The following MED25 variants were observed in gnomAD, a reference collection of about 807,000 sequenced individuals.
The protein encoded by MED25 is mediator of RNA polymerase II transcription subunit 25.
MED25 carries 62 observed loss-of-function variants against 89.4 expected under a neutral mutation model. The observed-to-expected ratio is 0.69, with a 90% CI of 0.57 to 0.86. MED25 has a LOEUF of 0.86. Ranked by LOEUF, MED25 falls within the 40% of genes least tolerant of loss-of-function variation. The probability of loss-of-function intolerance (pLI) is 0.00; values close to 1 mark genes in which losing one functional copy is unlikely to be tolerated. For missense variants in MED25, 905 were observed against 1,005.2 expected (o/e 0.90, Z 1.35); for synonymous variants, 449 against 427.9 (o/e 1.05, Z -0.61).
rs539510250 is a variant in MED25, at chr19:49,824,020, C to T, written c.306-4429C>T. On this transcript the variant is annotated intron_variant, in intron 3 of 17. Coordinates refer to ENST00000312865, the MANE Select transcript of MED25 (RefSeq NM_030973.4). Reference sequence around the variant, plus strand: ...AGACCACTGGGAGAGACCGGTAAGACAGTCTTGAGTGATGTTAAATGGAGA... The same window carrying T: ...AGACCACTGGGAGAGACCGGTAAGATAGTCTTGAGTGATGTTAAATGGAGA... Among the ~76,000 whole-genome samples, 6 of 152,238 alleles carry T rather than the reference C, an allele frequency of 3.9e-5. No individual in the cohort carries two copies. In the South Asian group the frequency reaches 8.3e-4, roughly 21 times the overall value.
In MED25 at chr19:49,832,040, CG is replaced by C. The variant is rs1252726853; in HGVS notation, c.1316+23del. ...AGAACCTGTAGGTGACAGTCAGGGG[CG>C]GGGTGTGGTGGGGCTGGGGCTGGCC... On this transcript the variant is annotated intron_variant, in intron 11 of 17. Transcript: ENST00000312865. 2.6e-6 allele frequency: 3 copies of C among 1,159,750 alleles called. No individual in the cohort carries two copies. Among genetic ancestry groups the C allele is most frequent in the African/African-American group, 3.1e-5 (2 of 64,946 alleles). The allele number at this position is 1,159,750 out of a possible 1,614,324, so 71.8% of individuals were successfully genotyped here.
rs751694953 is a variant in MED25, at chr19:49,836,381, A to G, written c.2121A>G (p.Gln707=). 21 of 1,603,384 alleles carry G rather than the reference A, an allele frequency of 1.3e-5. 1 individual carries two copies. In the South Asian group the frequency reaches 1.4e-4, roughly 11 times the overall value. ...CACCTGCCCAGTCCTGGCCCGCACA[A>G]CTTCCCCCTCGGGCTCCACTGCCAG... ...HPPPAQSWPA[Q]LPPRAPLPGQ... is the part of the protein sequence containing the mutation. Residue 707 remains glutamine (Q), a synonymous_variant, in exon 17 of 18, where the codon CAA becomes CAG. Transcript: ENST00000312865. This position sits in a 1 kb window ranked among gnomAD's most constrained non-coding sequence, Gnocchi z 5.1.
chr19:49,829,861 C>A lies in MED25; in HGVS notation c.601C>A (p.Pro201Thr), dbSNP rs149611039. ...GCTTCTGTTTGAGAAGGCAGCCCCCCCGGCCTTGCTGGAGCCGCTGCAGCC... is the reference window on the plus strand; with the variant it reads ...GCTTCTGTTTGAGAAGGCAGCCCCCACGGCCTTGCTGGAGCCGCTGCAGCC... ...LRLLFEKAAP[P>T]ALLEPLQPPT... The change falls in exon 6 of 18, where the codon CCG becomes ACG. Residue 201 changes from proline (P) to threonine (T), a missense_variant. Pro to Thr is a conservative substitution (Grantham distance 38, BLOSUM62 -1). This residue lies in a region of MED25 where 501 missense variants were observed against 526.9 expected (regional missense o/e 0.95). Transcript: ENST00000312865. This position sits in a 1 kb window ranked among gnomAD's most constrained non-coding sequence, Gnocchi z 4.6. The A allele has an allele frequency of 6.2e-7, 1 of 1,612,894 alleles. No individual in the cohort carries two copies. The highest frequency in any genetic ancestry group is 1.3e-5 in the African/African-American group (1 of 75,034).
At chr19:49,825,452 G>A (rs1376813581) in intron 3 of MED25, among the ~76,000 whole-genome samples, 1 of 151,882 alleles carries the variant, frequency 6.6e-6, no homozygotes, top group Non-Finnish European at 1.5e-5. Flanking sequence ...TTTCACTTTG[G>A]CCAGGTTGGT....
chr19:49,821,374 T>G (rs2073980553), intron 3 of MED25, among the ~76,000 whole-genome samples: 1 of 152,200 alleles, frequency 6.6e-6, no homozygotes, highest in Admixed American at 6.5e-5. Flanking sequence ...CTCGACCTCC[T>G]GGGCTCAAGC....
intron 3 of MED25, among the ~76,000 whole-genome samples, chr19:49,826,427 A>G (rs1290650): frequency 0.64 from 96,713 of 152,142 alleles, 31,240 homozygotes; most frequent in East Asian, 0.78. Flanking sequence ...CCCTGAGAGC[A>G]GGAAGAAGGC....
chr19:49,837,038 C>T, downstream of MED25: 1 of 1,004,620 alleles, frequency 1.0e-6, no homozygotes, highest in Non-Finnish European at 1.5e-6. Context: ...CCCCAGGGGG[C>T]ATCTCTGTCC....
At chr19:49,822,203 C>T (rs1354810386) in intron 3 of MED25, among the ~76,000 whole-genome samples, 1 of 142,300 alleles carries the variant, frequency 7.0e-6, no homozygotes, top group Non-Finnish European at 1.5e-5. Context: ...GCGGAGTTTG[C>T]AGTGAGCCAA....
In MED25 at chr19:49,835,695, A is replaced by G. The variant is rs745944033; in HGVS notation, c.1747-32A>G. The G allele has an allele frequency of 4.4e-6, 7 of 1,600,196 alleles. No homozygotes were observed. Among genetic ancestry groups the G allele is most frequent in the African/African-American group, 4.0e-5 (3 of 74,544 alleles). On this transcript the variant is annotated intron_variant, in intron 15 of 17. Coordinates refer to ENST00000312865, the MANE Select transcript of MED25 (RefSeq NM_030973.4). This position sits in a 1 kb window ranked among gnomAD's most constrained non-coding sequence, Gnocchi z 6.2. ...GCAGAAGGGGCGTGAGGCCCTGCCC[A>G]TCTCCCTCACCCCTGTGTCTCTTCC...
chr19:49,827,306 C>G (rs117020672), intron 3 of MED25, among the ~76,000 whole-genome samples: 2,070 of 152,268 alleles, frequency 0.014, 53 homozygotes, highest in South Asian at 0.11. Context: ...GGAGGAGAAA[C>G]GAGAGTCTGT....
At chr19:49,824,066 A>C (rs1257091885) in intron 3 of MED25, among the ~76,000 whole-genome samples, 1 of 152,128 alleles carries the variant, frequency 6.6e-6, no homozygotes, top group African/African-American at 2.4e-5. Context: ...CCCAGGTCCA[A>C]GTCTGATGCT....
In MED25 at chr19:49,830,296, T is replaced by C; in HGVS notation, c.819+78T>C. On this transcript the variant is annotated intron_variant, in intron 7 of 17. Coordinates refer to ENST00000312865, the MANE Select transcript of MED25 (RefSeq NM_030973.4). The surrounding 1 kb of genome is among the most constrained non-coding windows in gnomAD (Gnocchi z 4.6). ...GCCCCTGGGGAGAAATCTAGTTGCA[T>C]GTTGGAGCTTGTGGGATGATGGGAG... 6.9e-7 allele frequency: 1 copy of C among 1,442,900 alleles called. No individual in the cohort carries two copies. The highest frequency in any genetic ancestry group is 2.4e-5 in the East Asian group (1 of 42,088). 89.4% of individuals were successfully genotyped at this position (1,442,900 alleles called of 1,614,324 possible). A position where few individuals can be genotyped will look rare whatever the true frequency, so the allele number is the denominator to read the frequency against.
rs1038324519 is a variant in MED25, at chr19:49,829,728, C to T, written c.526-58C>T. On this transcript the variant is annotated intron_variant, in intron 5 of 17. Coordinates refer to ENST00000312865, the MANE Select transcript of MED25 (RefSeq NM_030973.4). This position sits in a 1 kb window ranked among gnomAD's most constrained non-coding sequence, Gnocchi z 4.6. The stretch of plus-strand genomic sequence containing the variant: ...ACAGCAGTTGTGGTAGGTTGGGGGC[C>T]GGCCCCAACACCCTTATGGAGGGGG... 2.0e-6 allele frequency: 3 copies of T among 1,521,586 alleles called. No individual in the cohort carries two copies. Among genetic ancestry groups the T allele is most frequent in the Admixed American group, 2.0e-5 (1 of 50,838 alleles). The allele number at this position is 1,521,586 out of a possible 1,614,324, so 94.3% of individuals were successfully genotyped here.
Position 49,829,195 on chromosome 19 carries a change from A to G in MED25, c.525+105A>G. The G allele has an allele frequency of 9.8e-7, 1 of 1,021,542 alleles. No individual in the cohort carries two copies. Among genetic ancestry groups the G allele is most frequent in the Non-Finnish European group, 1.5e-6 (1 of 673,506 alleles). The allele number at this position is 1,021,542 out of a possible 1,614,324, so 63.3% of individuals were successfully genotyped here. Reference sequence around the variant, plus strand: ...GACTCCTGGGTCTGAGGGAGGAGGCACTGGGGGCCTGGACTCTTGGGTCTA... The same window carrying G: ...GACTCCTGGGTCTGAGGGAGGAGGCGCTGGGGGCCTGGACTCTTGGGTCTA... On this transcript the variant is annotated intron_variant, in intron 5 of 17. Coordinates refer to ENST00000312865, the MANE Select transcript of MED25 (RefSeq NM_030973.4). This position sits in a 1 kb window ranked among gnomAD's most constrained non-coding sequence, Gnocchi z 4.6.
chr19:49,826,076 C>G (rs1464110848), intron 3 of MED25, among the ~76,000 whole-genome samples: 3 of 152,158 alleles, frequency 2.0e-5, no homozygotes, highest in African/African-American at 4.8e-5. Context: ...CACAGTGGCT[C>G]ACGCCTGTAA....
intron 3 of MED25, among the ~76,000 whole-genome samples, chr19:49,828,243 AC>A (rs1416730884): frequency 5.3e-5 from 8 of 150,898 alleles, no homozygotes; most frequent in Admixed American, 2.7e-4. Flanking sequence ...AAAAAAAAAA[AC>A]ACAGACAGCA....
At chr19:49,839,594 A>C (rs1164704019), downstream of MED25, 1 of 152,250 alleles carries the variant, frequency 6.6e-6, no homozygotes, top group East Asian at 1.9e-4. Context: ...TCCCCTGAGA[A>C]GGTTAGTCAA....
downstream of MED25, chr19:49,838,611 T>C (rs2074115544): frequency 2.2e-6 from 1 of 457,268 alleles, no homozygotes; most frequent in Admixed American, 2.3e-5. Context: ...GAGAGGGCCG[T>C]GTGTTTCGAG....
intron 2 of MED25, 25 bp downstream of exon 2, chr19:49,818,641 G>A: frequency 6.2e-7 from 1 of 1,604,476 alleles, no homozygotes; most frequent in Non-Finnish European, 8.5e-7. Flanking sequence ...TCCTGGGCCT[G>A]AGGGAGGAGG....
Sources: gnomAD v4.1 joint callset for allele counts (sites outside exome capture counted in the v4.1 genomes callset) on GRCh38, gnomAD v4.1.1 for gene constraint, gnomAD v4.1.1 regional missense constraint, Gnocchi (gnomAD v3.1) non-coding constraint, MANE v1.5 for transcripts, NCBI Gene and HGNC (gene_info 2026-07-23, HGNC 2026-07-21) for gene names.